Variants in IFNLR1 observed in about 807,000 individuals in gnomAD.
The protein encoded by IFNLR1 is interferon lambda receptor 1.
IFNLR1 carries 28 observed loss-of-function variants against 52.5 expected under a neutral mutation model. The ratio of observed to expected loss-of-function variants is 0.53; its 90% CI spans 0.40 to 0.73. The LOEUF (loss-of-function observed/expected upper bound fraction) is 0.73. Among genes scored for constraint, IFNLR1 ranks in the 30% least tolerant of loss-of-function variants. The pLI, the probability that IFNLR1 is intolerant of heterozygous loss-of-function variation, is 0.00. For synonymous variants in IFNLR1, 276 were observed against 274.9 expected, an observed-to-expected ratio of 1.00 and a Z score of -0.04; for missense variants, 623 against 659.1, an observed-to-expected ratio of 0.95 and a Z score of 0.60.
chr1:24,179,156 C>A (rs1277404973), intron 2 of IFNLR1, among the ~76,000 whole-genome samples: 2 of 151,888 alleles, frequency 1.3e-5, no homozygotes, highest in African/African-American at 4.8e-5. Flanking sequence ...ACCATGTTAC[C>A]CAGGCTGGTC....
At chr1:24,187,070 C>A (rs1451858427) in intron 1 of IFNLR1, 121 bp downstream of exon 1, 2 of 554,884 alleles carry the variant, frequency 3.6e-6, no homozygotes, top group African/African-American at 4.0e-5. Context: ...AGGGCCGATT[C>A]GCACCCGGCT....
intron 1 of IFNLR1, among the ~76,000 whole-genome samples, chr1:24,186,679 C>T (rs1212942723): frequency 2.0e-5 from 3 of 151,954 alleles, no homozygotes; most frequent in Non-Finnish European, 2.9e-5. Context: ...ACAACAACAA[C>T]AACAACAACA....
chr1:24,187,053 C>T, intron 1 of IFNLR1, 138 bp downstream of exon 1: 1 of 458,588 alleles, frequency 2.2e-6, no homozygotes, highest in Non-Finnish European at 3.7e-6. Flanking sequence ...ACTGGGGGCG[C>T]GTAGGCAGGG....
intron 3 of IFNLR1, among the ~76,000 whole-genome samples, chr1:24,166,955 C>G (rs1315657892): frequency 6.6e-6 from 1 of 152,126 alleles, no homozygotes; most frequent in Non-Finnish European, 1.5e-5. Context: ...TTTCTGGGCC[C>G]ATCTGTGAGG....
In IFNLR1 at chr1:24,159,059, C is replaced by A; in HGVS notation, c.794G>T (p.Arg265Leu). The A allele has an allele frequency of 6.2e-7, 1 of 1,614,032 alleles. No homozygotes were observed. The highest frequency in any genetic ancestry group is 8.5e-7 in the Non-Finnish European group (1 of 1,179,988). The change falls in exon 6 of 7, where the codon CGG becomes CTG. Residue 265 changes from arginine (R) to leucine (L), a missense_variant. Transcript: ENST00000327535. Reference sequence around the variant, plus strand: ...CCCCCAGATTTGCTATACCAGGGCCCGTGGCATCTTTGCCCGCTGAAACCA... The same window carrying A: ...CCCCCAGATTTGCTATACCAGGGCCAGTGGCATCTTTGCCCGCTGAAACCA... Reference protein sequence around the residue: ...NPWFQRAKMPRALDFSGHTHP... With the variant: ...NPWFQRAKMPLALDFSGHTHP...
At chr1:24,163,794 G>A (rs567491529) in intron 3 of IFNLR1, among the ~76,000 whole-genome samples, 123 of 152,114 alleles carry the variant, frequency 8.1e-4, no homozygotes, top group African/African-American at 2.4e-3. Flanking sequence ...GGTCAGGCTG[G>A]TCTCGAACTG....
rs1294798813 is a variant in IFNLR1, at chr1:24,157,801, G to A, written c.892C>T (p.Leu298=). ...GGCGTCGGCCTGACCCCTCTGGTCA[G>A]TTCCTTTTGGGGACAGAGGAACAAG... The part of the protein sequence containing the change: ...NDLFLCPQKE[L]TRGVRPTPRV... Residue 298 remains leucine (L), a synonymous_variant, in exon 7 of 7, where the codon CTG becomes TTG. Coordinates refer to ENST00000327535, the MANE Select transcript of IFNLR1 (RefSeq NM_170743.4). The surrounding 1 kb of genome is among the most constrained non-coding windows in gnomAD (Gnocchi z 5.1). The A allele has an allele frequency of 3.1e-6, 5 of 1,614,102 alleles. No homozygotes were observed. The highest frequency in any genetic ancestry group is 3.4e-6 in the Non-Finnish European group (4 of 1,179,996).
chr1:24,180,296 CAA>C lies in IFNLR1; in HGVS notation c.182+433_182+434del, dbSNP rs5773074. Reference sequence around the variant, plus strand: ...TGGGTGACAGACCAAGACTCTGTCTCAAAAAAAAAAAAAAAAGAGAAAAAAAG... The same window carrying C: ...TGGGTGACAGACCAAGACTCTGTCTCAAAAAAAAAAAAAAGAGAAAAAAAG... On this transcript the variant is annotated intron_variant, in intron 2 of 6. Transcript: ENST00000327535. Among the ~76,000 whole-genome samples the C allele has an allele frequency of 1.7e-3, 216 of 128,172 alleles. 1 individual carries two copies. The highest frequency in any genetic ancestry group is 2.5e-3 in the Non-Finnish European group (155 of 60,914). 84.1% of individuals were successfully genotyped at this position (128,172 alleles called of 152,430 possible).
In IFNLR1 at chr1:24,157,494, C is replaced by G. The variant is rs1393151046; in HGVS notation, c.1199G>C (p.Arg400Thr). The change falls in exon 7 of 7, where the codon AGG becomes ACG. Residue 400 changes from arginine to threonine, a missense_variant. Coordinates refer to ENST00000327535, the MANE Select transcript of IFNLR1 (RefSeq NM_170743.4). The surrounding 1 kb of genome is among the most constrained non-coding windows in gnomAD (Gnocchi z 5.1). ...WASTVDSSWD[R>T]AGSSGYLAEK... ...AGCCAAATAGCCAGAGGACCCAGCCCTGTCCCAGGAGGAGTCCACAGTGCT... is the reference window on the plus strand; with the variant it reads ...AGCCAAATAGCCAGAGGACCCAGCCGTGTCCCAGGAGGAGTCCACAGTGCT... The G allele has an allele frequency of 9.9e-6, 16 of 1,612,924 alleles. No homozygotes were observed. The highest frequency in any genetic ancestry group is 1.4e-5 in the Non-Finnish European group (16 of 1,179,428).
In IFNLR1 at chr1:24,187,157, C is replaced by T. The variant is rs529156141; in HGVS notation, c.58+34G>A. The T allele has an allele frequency of 6.7e-6, 9 of 1,343,272 alleles. No homozygotes were observed. In the South Asian group the frequency reaches 1.1e-4, roughly 17 times the overall value. 83.2% of individuals were successfully genotyped at this position (1,343,272 alleles called of 1,614,324 possible). A position where few individuals can be genotyped will look rare whatever the true frequency, so the allele number is the denominator to read the frequency against. On this transcript the variant is annotated intron_variant, in intron 1 of 6. Coordinates refer to ENST00000327535, the MANE Select transcript of IFNLR1 (RefSeq NM_170743.4). ...GGCGCGGCCCGGCCCGGGGAGCCCT[C>T]TTCCCCCTCCCTCCCGCGGCCCCGC...
chr1:24,159,137 A>T lies in IFNLR1; in HGVS notation c.716T>A (p.Leu239Gln). 6.2e-7 allele frequency: 1 copy of T among 1,614,134 alleles called. No homozygotes were observed. The highest frequency in any genetic ancestry group is 8.5e-7 in the Non-Finnish European group (1 of 1,179,992). The change falls in exon 6 of 7, where the codon CTG (leucine) becomes CAG (glutamine). Residue 239 changes from leucine (L) to glutamine (Q), a missense_variant. Leu to Gln is a moderately radical substitution (Grantham distance 113). Transcript: ENST00000327535. ...FLVLPSLLIL[L>Q]LVIAAGGVIW... ...CACACCCCCTGCGGCAATTACTAACAGCAGTATCAGAAGCGATGGCAGCAC... is the reference window on the plus strand; with the variant it reads ...CACACCCCCTGCGGCAATTACTAACTGCAGTATCAGAAGCGATGGCAGCAC...
chr1:24,159,742 T>G (rs1644422926), intron 4 of IFNLR1, 109 bp from the exon 5 acceptor site: 8 of 972,526 alleles, frequency 8.2e-6, no homozygotes, highest in African/African-American at 3.4e-5. Flanking sequence ...TTTTTGTTTT[T>G]TTTTTTTGTT....
In IFNLR1 at chr1:24,159,579, C is replaced by G. The variant is rs776390019; in HGVS notation, c.565G>C (p.Ala189Pro). 1 of 1,614,082 alleles carries G rather than the reference C, an allele frequency of 6.2e-7. No homozygotes were observed. Among genetic ancestry groups the G allele is most frequent in the South Asian group, 1.1e-5 (1 of 91,074 alleles). The change falls in exon 5 of 7, where the codon GCT (alanine) becomes CCT (proline). Residue 189 changes from alanine (A) to proline (P), a missense_variant. By Grantham distance (27) the Ala-to-Pro change is conservative. Transcript: ENST00000327535. ...GQPVQITLQP[A>P]ASEHHCLSAR... ...CTGAGGCAGTGGTGTTCGCTGGCAGCTGGCTGGAGAGTGATCTGGACTGGC... is the reference window on the plus strand; with the variant it reads ...CTGAGGCAGTGGTGTTCGCTGGCAGGTGGCTGGAGAGTGATCTGGACTGGC...
At position 24,169,812 on chromosome 1, in the gene IFNLR1, C is replaced by T. The variant is rs147637902; in HGVS notation, c.183-211G>A. Among the ~76,000 whole-genome samples the T allele has an allele frequency of 1.8e-3, 275 of 152,338 alleles. 1 individual carries two copies. Among genetic ancestry groups the T allele is most frequent in the Admixed American group, 6.9e-3 (106 of 15,300 alleles). On this transcript the variant is annotated intron_variant, in intron 2 of 6. Coordinates refer to ENST00000327535, the MANE Select transcript of IFNLR1 (RefSeq NM_170743.4). The stretch of plus-strand genomic sequence containing the variant: ...AGATGGATGGGAGTGGGAATCCCAG[C>T]CCTGTCCCTCCCTAGCTTTGGGACC...
In IFNLR1 at chr1:24,187,283, G is replaced by A; in HGVS notation, c.-35C>T. On this transcript the variant is annotated 5_prime_UTR_variant, in exon 1 of 7. Coordinates refer to ENST00000327535, the MANE Select transcript of IFNLR1 (RefSeq NM_170743.4). ...GCCGCGGCGTCCCCGCCCGGGCCCA[G>A]GTCCCCGCCTCCCGCCTCCCGCCTC... 2 of 1,237,006 alleles carry A rather than the reference G, an allele frequency of 1.6e-6. No individual in the cohort carries two copies. The highest frequency in any genetic ancestry group is 3.1e-4 in the Middle Eastern group (1 of 3,196). 76.6% of individuals were successfully genotyped at this position (1,237,006 alleles called of 1,614,324 possible). A position where few individuals can be genotyped will look rare whatever the true frequency, so the allele number is the denominator to read the frequency against.
intron 4 of IFNLR1, chr1:24,161,255 C>T: frequency 1.7e-6 from 1 of 572,566 alleles, no homozygotes; most frequent in South Asian, 2.5e-5. Context: ...ATTGGATATA[C>T]ACCAGAGTGA....
chr1:24,174,773 A>G (rs1252065944), intron 2 of IFNLR1, among the ~76,000 whole-genome samples: 1 of 152,224 alleles, frequency 6.6e-6, no homozygotes, highest in Non-Finnish European at 1.5e-5. Context: ...TACTGCTTAT[A>G]GTAAAATGTG....
intron 2 of IFNLR1, among the ~76,000 whole-genome samples, chr1:24,179,072 G>C (rs1644662610): frequency 1.3e-5 from 2 of 151,862 alleles, no homozygotes; most frequent in African/African-American, 4.8e-5. Flanking sequence ...CTCCCAAGTA[G>C]CTGGGAACAC....
chr1:24,168,423 C>A (rs1644540755), intron 3 of IFNLR1, among the ~76,000 whole-genome samples: 1 of 151,474 alleles, frequency 6.6e-6, no homozygotes, highest in South Asian at 2.1e-4. Flanking sequence ...CCCTTTGTTA[C>A]CCGGCCCTGC....
Sources: allele counts gnomAD v4.1 joint callset (sites outside exome capture counted in the v4.1 genomes callset), GRCh38; gene constraint gnomAD v4.1.1; non-coding constraint Gnocchi (gnomAD v3.1); transcripts MANE v1.5; gene names NCBI Gene and HGNC (gene_info 2026-07-23, HGNC 2026-07-21).